Variants in ANKS1A observed in about 807,000 individuals in gnomAD.
The protein encoded by ANKS1A is ankyrin repeat and SAM domain-containing protein 1A.
In ANKS1A, 55 loss-of-function variants were observed where a neutral mutation model predicts 120.3. The observed-to-expected ratio is 0.46, with a 90% confidence interval of 0.37 to 0.57. The LOEUF is 0.57. ANKS1A is among the 20% of genes least tolerant of loss of function. The pLI is 0.00. For synonymous variants in ANKS1A, 590 were observed against 604.7 expected, an observed-to-expected ratio of 0.98 and a Z score of 0.36; for missense variants, 1,123 against 1,480.3, an observed-to-expected ratio of 0.76 and a Z score of 3.96.
intron 16 of ANKS1A, 110 bp from the exon 17 acceptor site, chr6:35,080,884 T>C (rs1429467977): frequency 1.0e-5 from 14 of 1,371,902 alleles, no homozygotes; most frequent in Non-Finnish European, 1.4e-5. Flanking sequence ...TCCCTGCTGC[T>C]TCTCCCGGTG....
At chr6:34,924,519 C>G (rs1176083548) in intron 1 of ANKS1A, among the ~76,000 whole-genome samples, 1 of 152,148 alleles carries the variant, frequency 6.6e-6, no homozygotes, top group African/African-American at 2.4e-5. Flanking sequence ...CCCTGCAGCA[C>G]TACTGTTTCT....
Position 35,069,762 on chromosome 6 carries a change from C to T in ANKS1A, c.2185-8796C>T, listed in dbSNP as rs1028688062. On this transcript the variant is annotated intron_variant, in intron 13 of 23. Transcript: ENST00000360359. ...GGGTGTCAGTCCGGGTGTGGTGGCT[C>T]ATGCCTGTAATCCCAGCACTTTGGG... 3.3e-5 allele frequency among the ~76,000 whole-genome samples: 5 copies of T among 151,802 alleles called. No homozygotes were observed. The South Asian group carries it at 8.3e-4, about 25-fold the overall frequency.
Position 35,022,358 on chromosome 6 carries a change from G to A in ANKS1A, c.2010+4299G>A, listed in dbSNP as rs985047609. 5.3e-5 allele frequency among the ~76,000 whole-genome samples: 8 copies of A among 152,284 alleles called. No individual in the cohort carries two copies. The East Asian group carries it at 7.7e-4, about 15-fold the overall frequency. On this transcript the variant is annotated intron_variant, in intron 11 of 23. Transcript: ENST00000360359. ...GGGAACATGTATGGCTAATAGATTT[G>A]GGAGTCATTTTCTCCAAATACAGAC...
chr6:35,085,717 G>C lies in ANKS1A; in HGVS notation c.3133-49G>C. ...CTGCGAGGAAGGGCATATCCAGTGT[G>C]AAGCGGCTCCTGAACCAGGTGCTTA... is the stretch of plus-strand genomic sequence containing the variant. On this transcript the variant is annotated intron_variant, in intron 21 of 23. Coordinates refer to ENST00000360359, the MANE Select transcript of ANKS1A (RefSeq NM_015245.3). This position sits in a 1 kb window ranked among gnomAD's most constrained non-coding sequence, Gnocchi z 4.7. 6.5e-7 allele frequency: 1 copy of C among 1,532,706 alleles called. No individual in the cohort carries two copies. Among genetic ancestry groups the C allele is most frequent in the South Asian group, 1.3e-5 (1 of 77,748 alleles). 94.9% of individuals were successfully genotyped at this position (1,532,706 alleles called of 1,614,324 possible).
chr6:35,092,287 C>T (rs1467819978), downstream of ANKS1A, among the ~76,000 whole-genome samples: 1 of 152,192 alleles, frequency 6.6e-6, no homozygotes, highest in African/African-American at 2.4e-5. Context: ...GTGGACGCTT[C>T]CGTTTCTTAA....
At position 34,996,182 on chromosome 6, in the gene ANKS1A, C is replaced by T. The variant is rs1337476908; in HGVS notation, c.1423+1760C>T. Among the ~76,000 whole-genome samples, 3 of 152,068 alleles carry T rather than the reference C, an allele frequency of 2.0e-5. No homozygotes were observed. In the East Asian group the frequency reaches 5.8e-4, roughly 29 times the overall value. ...TCATTATGGATTTAATTTTCATTTT[C>T]CTAATATCTAATGATGTTGAGCATT... On this transcript the variant is annotated intron_variant, in intron 10 of 23. Transcript: ENST00000360359.
intron 1 of ANKS1A, among the ~76,000 whole-genome samples, chr6:34,926,786 C>A (rs1317142890): frequency 2.6e-5 from 4 of 152,138 alleles, no homozygotes; most frequent in Non-Finnish European, 4.4e-5. Flanking sequence ...GGGGCTTGAG[C>A]TTGCTTCCTG....
At chr6:35,062,390 G>A (rs1351498864) in intron 13 of ANKS1A, among the ~76,000 whole-genome samples, 1 of 152,242 alleles carries the variant, frequency 6.6e-6, no homozygotes, top group Non-Finnish European at 1.5e-5. Flanking sequence ...AGGCAACTTG[G>A]GAAGGGGAGC....
intron 13 of ANKS1A, among the ~76,000 whole-genome samples, chr6:35,072,840 G>T (rs1018149775): frequency 6.6e-6 from 1 of 152,176 alleles, no homozygotes; most frequent in African/African-American, 2.4e-5. Flanking sequence ...AGCCCAGGAC[G>T]GGTGTCCTGC....
chr6:35,043,607 A>T (rs1561934830), intron 11 of ANKS1A, among the ~76,000 whole-genome samples: 1 of 152,194 alleles, frequency 6.6e-6, no homozygotes, highest in Non-Finnish European at 1.5e-5. Flanking sequence ...GTTCCAGTAG[A>T]AGCCTCTTAC....
chr6:35,038,332 T>C (rs1478474237), intron 11 of ANKS1A: 1 of 456,574 alleles, frequency 2.2e-6, no homozygotes, highest in Non-Finnish European at 4.4e-6. Flanking sequence ...GCATTCTTAC[T>C]GAGATAGTCC....
chr6:34,938,527 C>T (rs945813861), intron 1 of ANKS1A, among the ~76,000 whole-genome samples: 1 of 152,262 alleles, frequency 6.6e-6, no homozygotes, highest in Non-Finnish European at 1.5e-5. Flanking sequence ...TAACCGAACA[C>T]ACTCATTCTT....
intron 8 of ANKS1A, among the ~76,000 whole-genome samples, chr6:34,985,687 G>A (rs1772157969): frequency 6.6e-6 from 1 of 152,220 alleles, no homozygotes; most frequent in African/African-American, 2.4e-5. Flanking sequence ...TCTGTCCTGA[G>A]TGTATGCTTA....
At chr6:35,032,394 A>T (rs1286131647) in intron 11 of ANKS1A, among the ~76,000 whole-genome samples, 1 of 152,226 alleles carries the variant, frequency 6.6e-6, no homozygotes, top group Non-Finnish European at 1.5e-5. Flanking sequence ...TTCCGCAGGC[A>T]CTACATGCTT....
intron 7 of ANKS1A, 138 bp from the exon 8 acceptor site, chr6:34,984,944 A>G: frequency 1.4e-6 from 1 of 715,694 alleles, no homozygotes; most frequent in Non-Finnish European, 2.3e-6. Context: ...TTGTCCATGG[A>G]ACAAAGTAAT....
intron 1 of ANKS1A, among the ~76,000 whole-genome samples, chr6:34,953,666 TC>T (rs1435495368): frequency 1.3e-5 from 2 of 152,212 alleles, no homozygotes; most frequent in Non-Finnish European, 1.5e-5. Flanking sequence ...TCTTATTTAC[TC>T]ATTGTAAGAT....
chr6:35,013,331 G>C (rs1336519486), intron 10 of ANKS1A, among the ~76,000 whole-genome samples: 1 of 152,058 alleles, frequency 6.6e-6, no homozygotes, highest in Non-Finnish European at 1.5e-5. Flanking sequence ...GTCTCGCTGT[G>C]TCTCCCAGGC....
chr6:35,049,906 A>G (rs1210993440), intron 11 of ANKS1A, among the ~76,000 whole-genome samples: 1 of 152,164 alleles, frequency 6.6e-6, no homozygotes, highest in Non-Finnish European at 1.5e-5. Context: ...GCCTGTGCCC[A>G]ACACACTTCC....
downstream of ANKS1A, among the ~76,000 whole-genome samples, chr6:35,093,075 G>T (rs1033901295): frequency 2.6e-5 from 4 of 151,920 alleles, no homozygotes; most frequent in Non-Finnish European, 5.9e-5. Context: ...TTCAGCCTGG[G>T]GCTCACACTG....
Sources: allele counts gnomAD v4.1 joint callset (sites outside exome capture counted in the v4.1 genomes callset), GRCh38; gene constraint gnomAD v4.1.1; non-coding constraint Gnocchi (gnomAD v3.1); transcripts MANE v1.5; gene names NCBI Gene and HGNC (gene_info 2026-07-23, HGNC 2026-07-21).